The following FNDC3B variants were observed in gnomAD, a reference collection of about 807,000 sequenced individuals.
FNDC3B encodes the protein fibronectin type III domain containing 3B.
In FNDC3B, 12 loss-of-function variants were observed where a neutral mutation model predicts 151.5. That is an observed-to-expected ratio of 0.08 (90% confidence interval 0.05 to 0.13). The LOEUF (loss-of-function observed/expected upper bound fraction) is 0.13. Among genes scored for constraint, FNDC3B ranks in the 10% least tolerant of loss-of-function variants. The pLI, the probability that FNDC3B is intolerant of heterozygous loss-of-function variation, is 1.00. For synonymous variants in FNDC3B, 528 were observed against 549.0 expected (o/e 0.96, Z 0.54); for missense variants, 1,214 against 1,505.3 (o/e 0.81, Z 3.20).
intron 12 of FNDC3B, chr3:172,329,793 C>T (rs1732546768): frequency 6.6e-6 from 1 of 152,190 alleles, no homozygotes; most frequent in Non-Finnish European, 1.5e-5. Flanking sequence ...AGACCTGCCT[C>T]CACCACCATG....
intron 3 of FNDC3B, among the ~76,000 whole-genome samples, chr3:172,215,654 G>A (rs1262534987): frequency 6.6e-6 from 1 of 152,198 alleles, no homozygotes; most frequent in African/African-American, 2.4e-5. Context: ...AACCCAGGAG[G>A]CAGAGGTTGC....
chr3:172,044,285 T>G (rs1201117735), intron 1 of FNDC3B, among the ~76,000 whole-genome samples: 1 of 142,728 alleles, frequency 7.0e-6, no homozygotes, highest in South Asian at 2.2e-4. Context: ...TTCCAACTCT[T>G]TTTTTTTTTT....
intron 1 of FNDC3B, among the ~76,000 whole-genome samples, chr3:172,059,559 T>C (rs1717086483): frequency 6.6e-6 from 1 of 151,828 alleles, no homozygotes; most frequent in African/African-American, 2.4e-5. Context: ...GATTATTAAC[T>C]GGCCACCTGG....
chr3:172,168,453 G>GAC (rs1286510420), intron 3 of FNDC3B, among the ~76,000 whole-genome samples: 3 of 152,232 alleles, frequency 2.0e-5, no homozygotes, highest in Non-Finnish European at 4.4e-5. Context: ...GTACTGAGCT[G>GAC]ACATGTCAGT....
At chr3:172,324,208 T>C (rs1292985313) in intron 11 of FNDC3B, among the ~76,000 whole-genome samples, 1 of 152,096 alleles carries the variant, frequency 6.6e-6, no homozygotes, top group East Asian at 1.9e-4. Context: ...CCTTTCTCCC[T>C]TCCCAGGCTT....
At chr3:172,297,266 A>C (rs1357965648) in intron 8 of FNDC3B, among the ~76,000 whole-genome samples, 1 of 152,248 alleles carries the variant, frequency 6.6e-6, no homozygotes, top group African/African-American at 2.4e-5. Context: ...GCTTCAGGCA[A>C]GGTCTGGACA....
At position 172,231,879 on chromosome 3, in the gene FNDC3B, G is replaced by GTTTTTT. The variant is rs33956893; in HGVS notation, c.264+4946_264+4951dup. ...GTGCATTGTATGGTCTTTATTTACC[G>GTTTTTT]TTTTTTTTTTTTTTTTTTTGAGATG... On this transcript the variant is annotated intron_variant, in intron 4 of 25. Coordinates refer to ENST00000415807, the MANE Select transcript of FNDC3B (RefSeq NM_022763.4). Among the ~76,000 whole-genome samples the GTTTTTT allele has an allele frequency of 3.0e-4, 31 of 104,498 alleles. 3 individuals carry two copies. Among genetic ancestry groups the GTTTTTT allele is most frequent in the African/African-American group, 1.0e-3 (28 of 27,700 alleles). The allele number at this position is 104,498 out of a possible 152,430, so 68.6% of individuals were successfully genotyped here. A position where few individuals can be genotyped will look rare whatever the true frequency, so the allele number is the denominator to read the frequency against.
intron 6 of FNDC3B, among the ~76,000 whole-genome samples, chr3:172,281,316 G>T (rs915911620): frequency 4.0e-5 from 6 of 151,824 alleles, no homozygotes; most frequent in South Asian, 2.1e-4. Flanking sequence ...CACGATCTCA[G>T]CTCACTGCAA....
In FNDC3B at chr3:172,369,839, C is replaced by G. The variant is rs1278231058; in HGVS notation, c.3008+6994C>G. Among the ~76,000 whole-genome samples, 6 of 152,222 alleles carry G rather than the reference C, an allele frequency of 3.9e-5. No individual in the cohort carries two copies. In the East Asian group the frequency reaches 1.2e-3, roughly 29 times the overall value. The stretch of plus-strand genomic sequence containing the variant: ...TTGGCAGAGTGAGGGCGAATACTAT[C>G]CATTTCTATTTTGAGCACCGTTCGT... On this transcript the variant is annotated intron_variant, in intron 23 of 25. Coordinates refer to ENST00000415807, the MANE Select transcript of FNDC3B (RefSeq NM_022763.4).
chr3:172,291,632 C>A (rs565008561), intron 7 of FNDC3B, among the ~76,000 whole-genome samples: 3 of 152,292 alleles, frequency 2.0e-5, no homozygotes, highest in East Asian at 3.9e-4. Flanking sequence ...TCAGATTGCA[C>A]CTCGTCCAAT....
At chr3:172,296,333 A>G (rs1730600367) in intron 8 of FNDC3B, among the ~76,000 whole-genome samples, 2 of 152,200 alleles carry the variant, frequency 1.3e-5, no homozygotes, top group Admixed American at 6.5e-5. Context: ...TCAGTGCCAC[A>G]GATGCGTATC....
intron 3 of FNDC3B, among the ~76,000 whole-genome samples, chr3:172,221,352 C>A (rs549743049): frequency 2.3e-4 from 35 of 152,254 alleles, no homozygotes; most frequent in South Asian, 1.0e-3. Context: ...TTGTCTAGTT[C>A]CTGATGTTGG....
rs1732261586 is a variant in FNDC3B at position 172,324,833 on chromosome 3, A to C, written c.1255-4119A>C. 2.0e-5 allele frequency among the ~76,000 whole-genome samples: 3 copies of C among 152,320 alleles called. No homozygotes were observed. In the South Asian group the frequency reaches 6.2e-4, roughly 32 times the overall value. On this transcript the variant is annotated intron_variant, in intron 11 of 25. Transcript: ENST00000415807. ...CTGACCAGTTTCTCTAATTCAGGTG[A>C]AGTATCTTTTCCATACCCCGCTGAG...
intron 2 of FNDC3B, among the ~76,000 whole-genome samples, chr3:172,132,720 A>T (rs1721166131): frequency 6.6e-6 from 1 of 152,022 alleles, no homozygotes; most frequent in Non-Finnish European, 1.5e-5. Flanking sequence ...TTTAAGTTGT[A>T]TTATGTCTTT....
intron 19 of FNDC3B, among the ~76,000 whole-genome samples, chr3:172,345,703 T>C (rs955325196): frequency 2.0e-5 from 3 of 151,944 alleles, no homozygotes; most frequent in African/African-American, 7.3e-5. Context: ...ACCATTAAAA[T>C]GGGTGGTTCA....
rs1193766332 is a variant in FNDC3B, at chr3:172,399,887, G to T, written c.*2412G>T. On this transcript the variant is annotated 3_prime_UTR_variant, in exon 26 of 26. Transcript: ENST00000415807. ...TAGGCCAAAATTTATATGAATATTT[G>T]ATCTTCTTGAGATTTTCATACTATC... 6.6e-6 allele frequency: 1 copy of T among 152,394 alleles called. No homozygotes were observed. Among genetic ancestry groups the T allele is most frequent in the Non-Finnish European group, 1.5e-5 (1 of 68,008 alleles). The allele number at this position is 152,394 out of a possible 1,614,324, so 9.4% of individuals were successfully genotyped here.
chr3:172,223,801 A>T (rs184038966), intron 3 of FNDC3B, among the ~76,000 whole-genome samples: 1 of 152,386 alleles, frequency 6.6e-6, no homozygotes, highest in East Asian at 1.9e-4. Context: ...AAATTTAAAA[A>T]GCAACCAAAA....
chr3:172,367,838 C>G (rs1409907408), intron 23 of FNDC3B, among the ~76,000 whole-genome samples: 1 of 152,128 alleles, frequency 6.6e-6, no homozygotes, highest in African/African-American at 2.4e-5. Context: ...ATAAACCAAG[C>G]CTCCCATGAA....
chr3:172,257,829 C>A (rs1728436886), intron 6 of FNDC3B, among the ~76,000 whole-genome samples: 1 of 152,132 alleles, frequency 6.6e-6, no homozygotes, highest in African/African-American at 2.4e-5. Context: ...TAGGTGGGGC[C>A]CACCAATCTA....
Sources: allele counts gnomAD v4.1 joint callset (sites outside exome capture counted in the v4.1 genomes callset), GRCh38; gene constraint gnomAD v4.1.1; transcripts MANE v1.5; gene names NCBI Gene and HGNC (gene_info 2026-07-23, HGNC 2026-07-21).